The following CLIC5 variants were observed in gnomAD, a reference collection of about 807,000 sequenced individuals.
The protein encoded by CLIC5 is CLIC family member 5.
In CLIC5, 20 loss-of-function variants were observed where a neutral mutation model predicts 24.7. The observed-to-expected ratio is 0.81, with a 90% CI of 0.57 to 1.18. CLIC5 has a LOEUF of 1.18. CLIC5 is among the 50% of genes most tolerant of loss of function. The probability of loss-of-function intolerance (pLI) is 0.00; values close to 1 mark genes in which losing one functional copy is unlikely to be tolerated. For synonymous variants in CLIC5, 159 were observed against 135.6 expected, an observed-to-expected ratio of 1.17 and a Z score of -1.20; for missense variants, 341 against 326.1, an observed-to-expected ratio of 1.05 and a Z score of -0.35.
intron 1 of CLIC5, among the ~76,000 whole-genome samples, chr6:46,066,619 G>C (rs1241181650): frequency 6.6e-6 from 1 of 152,106 alleles, no homozygotes; most frequent in African/African-American, 2.4e-5. Flanking sequence ...CTAACTGTGG[G>C]GGGTACATGG....
At chr6:45,903,611 C>T (rs540355046) in intron 5 of CLIC5, among the ~76,000 whole-genome samples, 2 of 152,272 alleles carry the variant, frequency 1.3e-5, no homozygotes, top group East Asian at 3.9e-4. Flanking sequence ...TATATGAATA[C>T]ATACATTATC....
chr6:46,025,522 A>G (rs1707365900), intron 1 of CLIC5, among the ~76,000 whole-genome samples: 1 of 152,206 alleles, frequency 6.6e-6, no homozygotes, highest in East Asian at 1.9e-4. Context: ...AATGACCTCA[A>G]TAAATAAGCA....
intron 1 of CLIC5, among the ~76,000 whole-genome samples, chr6:46,057,423 G>A (rs765355657): frequency 2.6e-5 from 4 of 152,176 alleles, no homozygotes; most frequent in Non-Finnish European, 5.9e-5. Flanking sequence ...CCAGCCATGT[G>A]GAACTGTAAG....
At chr6:46,031,922 C>CAA (rs1467537385) in intron 1 of CLIC5, among the ~76,000 whole-genome samples, 1 of 136,702 alleles carries the variant, frequency 7.3e-6, no homozygotes, top group Non-Finnish European at 1.6e-5. Flanking sequence ...TATATGTACA[C>CAA]AACATATATA....
At chr6:45,963,856 C>G (rs1024698124) in intron 1 of CLIC5, among the ~76,000 whole-genome samples, 1 of 152,000 alleles carries the variant, frequency 6.6e-6, no homozygotes, top group Non-Finnish European at 1.5e-5. Context: ...ATAAGTCAGA[C>G]AATATGCCTT....
Position 45,903,155 on chromosome 6 carries a change from G to A in CLIC5, c.689C>T (p.Thr230Ile), listed in dbSNP as rs1009027669. The A allele has an allele frequency of 6.2e-7, 1 of 1,614,170 alleles. No homozygotes were observed. The highest frequency in any genetic ancestry group is 1.3e-5 in the African/African-American group (1 of 75,042). The change falls in exon 6 of 6, where the codon ACC becomes ATC. Residue 230 changes from threonine to isoleucine, a missense_variant. Coordinates refer to ENST00000339561, the MANE Select transcript of CLIC5 (RefSeq NM_016929.5). ...NAYARDEFTN[T>I]CAADSEIELA... is the part of the protein sequence containing the mutation. Reference sequence around the variant, plus strand: ...CTCGATCTCACTGTCAGCTGCACAGGTGTTGGTGAACTCATCACGGGCATA... The same window carrying A: ...CTCGATCTCACTGTCAGCTGCACAGATGTTGGTGAACTCATCACGGGCATA...
intron 1 of CLIC5, among the ~76,000 whole-genome samples, chr6:45,962,742 C>T (rs955000866): frequency 7.2e-5 from 11 of 152,178 alleles, no homozygotes; most frequent in Non-Finnish European, 1.3e-4. Context: ...CCAGACTTAG[C>T]GGGCTCCTTG....
chr6:46,044,997 T>C (rs1292204103), intron 1 of CLIC5, among the ~76,000 whole-genome samples: 1 of 152,184 alleles, frequency 6.6e-6, no homozygotes, highest in Non-Finnish European at 1.5e-5. Context: ...GCATCTAGCA[T>C]GCTTGCCATA....
intron 1 of CLIC5, among the ~76,000 whole-genome samples, chr6:45,990,307 A>C (rs1163753873): frequency 6.6e-6 from 1 of 152,214 alleles, no homozygotes; most frequent in African/African-American, 2.4e-5. Flanking sequence ...TTCATGTTTA[A>C]GTCACTAGTT....
chr6:46,079,307 A>G (rs1378868099), intron 1 of CLIC5, among the ~76,000 whole-genome samples: 1 of 152,230 alleles, frequency 6.6e-6, no homozygotes, highest in African/African-American at 2.4e-5. Context: ...TAGAAGCACA[A>G]GAAGGTCTTT....
chr6:46,021,423 T>C (rs1342678634), intron 1 of CLIC5, among the ~76,000 whole-genome samples: 1 of 152,194 alleles, frequency 6.6e-6, no homozygotes, highest in Non-Finnish European at 1.5e-5. Flanking sequence ...TACCATCTTC[T>C]GGGTATTATC....
chr6:45,907,326 A>G (rs186508929), intron 5 of CLIC5, among the ~76,000 whole-genome samples: 47 of 152,340 alleles, frequency 3.1e-4, no homozygotes, highest in African/African-American at 1.1e-3. Flanking sequence ...GGCGAATAAC[A>G]TTTATTGATT....
intron 1 of CLIC5, among the ~76,000 whole-genome samples, chr6:46,074,930 T>A (rs773224020): frequency 4.6e-5 from 7 of 152,214 alleles, no homozygotes; most frequent in Non-Finnish European, 8.8e-5. Context: ...CCACTGCTCT[T>A]TCCACAATAT....
chr6:45,884,733 T>C (rs1561910163), intron 6 of CLIC5, among the ~76,000 whole-genome samples: 2 of 152,236 alleles, frequency 1.3e-5, no homozygotes, highest in East Asian at 3.9e-4. Flanking sequence ...GACTACTTTT[T>C]CTATTACGTG....
rs184034685 is a variant in CLIC5, at chr6:46,055,679, C to T, written c.540+24024G>A. 2.4e-4 allele frequency among the ~76,000 whole-genome samples: 36 copies of T among 152,272 alleles called. No homozygotes were observed. In the East Asian group the frequency reaches 5.2e-3, roughly 22 times the overall value. ...CATGTCTCCCATAAGCATCTTGCACCGCATCTCTCACACATGGGAGCTGGT... is the reference window on the plus strand; with the variant it reads ...CATGTCTCCCATAAGCATCTTGCACTGCATCTCTCACACATGGGAGCTGGT... On this transcript the variant is annotated intron_variant, in intron 1 of 5. Coordinates refer to the CLIC5 transcript ENST00000185206.
the CLIC5 span, among the ~76,000 whole-genome samples, chr6:46,086,230 G>A: frequency 6.4e-4 from 98 of 152,320 alleles, no homozygotes; most frequent in Non-Finnish European, 8.7e-4. Context: ...GCTTCGGCTC[G>A]TGCACGGTGC....
intron 1 of CLIC5, among the ~76,000 whole-genome samples, chr6:46,071,397 GA>G (rs1762591699): frequency 1.3e-5 from 2 of 150,996 alleles, no homozygotes; most frequent in South Asian, 2.1e-4. Context: ...AAATTTACAA[GA>G]AAAAAACAAT....
the CLIC5 span, among the ~76,000 whole-genome samples, chr6:46,118,116 A>C: frequency 6.6e-6 from 1 of 152,182 alleles, no homozygotes; most frequent in African/African-American, 2.4e-5. Context: ...CCCAGGCTGC[A>C]GGGATGTCTC....
chr6:46,120,177 C>T, the CLIC5 span, among the ~76,000 whole-genome samples: 1 of 152,200 alleles, frequency 6.6e-6, no homozygotes, highest in South Asian at 2.1e-4. Flanking sequence ...CAGGGAGGCA[C>T]CCACCAGTAG....
Sources: gnomAD v4.1 joint callset for allele counts (sites outside exome capture counted in the v4.1 genomes callset) on GRCh38, gnomAD v4.1.1 for gene constraint, MANE v1.5 for transcripts, NCBI Gene and HGNC (gene_info 2026-07-23, HGNC 2026-07-21) for gene names.